The following CDK14 variants were observed in gnomAD, a reference collection of about 807,000 sequenced individuals.
CDK14 encodes cyclin-dependent kinase 14.
In CDK14, 34 loss-of-function variants were observed where a neutral mutation model predicts 60.7. The ratio of observed to expected loss-of-function variants is 0.56; its 90% CI spans 0.43 to 0.75. The LOEUF (loss-of-function observed/expected upper bound fraction) is 0.75. CDK14 is among the 30% of genes least tolerant of loss of function. The pLI is 0.00. For synonymous variants in CDK14, 197 were observed against 203.7 expected (o/e 0.97, Z 0.28); for missense variants, 482 against 564.1 (o/e 0.85, Z 1.47).
chr7:91,105,208 T>C (rs1799253356), intron 12 of CDK14, among the ~76,000 whole-genome samples: 1 of 152,222 alleles, frequency 6.6e-6, no homozygotes, highest in Non-Finnish European at 1.5e-5. Context: ...CCTGAAGTTG[T>C]TCTCTAAAAT....
chr7:91,105,974 GA>G (rs1799284931), intron 12 of CDK14, among the ~76,000 whole-genome samples: 1 of 152,118 alleles, frequency 6.6e-6, no homozygotes, highest in Admixed American at 6.6e-5. Flanking sequence ...TAATTGCCCA[GA>G]ATGGAAAACA....
intron 14 of CDK14, among the ~76,000 whole-genome samples, chr7:91,171,990 A>G (rs1193902553): frequency 2.0e-5 from 3 of 152,156 alleles, no homozygotes; most frequent in Non-Finnish European, 2.9e-5. Flanking sequence ...TCTACAGTTG[A>G]TTAGATTTTT....
chr7:91,201,852 C>G (rs1398347237), intron 14 of CDK14, among the ~76,000 whole-genome samples: 1 of 152,138 alleles, frequency 6.6e-6, no homozygotes, highest in African/African-American at 2.4e-5. Flanking sequence ...CTTGCTTATG[C>G]CTCAAATCAG....
intron 12 of CDK14, among the ~76,000 whole-genome samples, chr7:91,094,244 A>G (rs1158881235): frequency 6.6e-6 from 1 of 152,204 alleles, no homozygotes; most frequent in Non-Finnish European, 1.5e-5. Context: ...CATGATCTCA[A>G]TCCTCTTTAC....
At chr7:91,006,023 C>A (rs1457298344) in intron 10 of CDK14, among the ~76,000 whole-genome samples, 1 of 152,226 alleles carries the variant, frequency 6.6e-6, no homozygotes, top group Non-Finnish European at 1.5e-5. Context: ...TGGCTCCAGG[C>A]TCATCCAAAC....
At position 90,866,425 on chromosome 7, in the gene CDK14, A is replaced by C. The variant is rs945638917; in HGVS notation, c.639+3156A>C. On this transcript the variant is annotated intron_variant, in intron 6 of 14. Coordinates refer to ENST00000380050, the MANE Select transcript of CDK14 (RefSeq NM_001287135.2). ...TAGTTCTGTGTAATTAATTCATTGT[A>C]CCCTTTTTTGAGGGAGATACCATTG... is the stretch of plus-strand genomic sequence containing the variant. 1.6e-4 allele frequency among the ~76,000 whole-genome samples: 25 copies of C among 152,150 alleles called. 1 individual carries two copies. Among genetic ancestry groups the C allele is most frequent in the Admixed American group, 1.6e-3 (24 of 15,254 alleles).
At chr7:90,734,658 A>G (rs1803012678) in intron 3 of CDK14, among the ~76,000 whole-genome samples, 1 of 151,974 alleles carries the variant, frequency 6.6e-6, no homozygotes, top group Admixed American at 6.6e-5. Context: ...TGTCAGCTCC[A>G]TTAGTTCATT....
intron 2 of CDK14, among the ~76,000 whole-genome samples, chr7:90,692,982 G>C (rs1426572232): frequency 6.6e-6 from 1 of 151,806 alleles, no homozygotes; most frequent in Non-Finnish European, 1.5e-5. Context: ...TTGCCAGTAG[G>C]GTTCTGTAGC....
At chr7:90,859,986 A>C (rs1790951886) in intron 5 of CDK14, among the ~76,000 whole-genome samples, 1 of 152,206 alleles carries the variant, frequency 6.6e-6, no homozygotes, top group African/African-American at 2.4e-5. Context: ...AAAAACCAAA[A>C]TGAAGACATA....
At chr7:91,030,692 C>G (rs1436061076) in intron 10 of CDK14, among the ~76,000 whole-genome samples, 3 of 152,198 alleles carry the variant, frequency 2.0e-5, no homozygotes, top group African/African-American at 7.2e-5. Flanking sequence ...TGCTGTTGAT[C>G]CCCACTGACC....
intron 5 of CDK14, among the ~76,000 whole-genome samples, chr7:90,804,915 TA>T (rs1788764768): frequency 1.3e-5 from 2 of 152,130 alleles, no homozygotes; most frequent in Admixed American, 6.5e-5. Flanking sequence ...TTTCAGTTCC[TA>T]CTTTGCCAAT....
At chr7:90,700,604 T>A (rs922527728) in intron 2 of CDK14, among the ~76,000 whole-genome samples, 1 of 152,098 alleles carries the variant, frequency 6.6e-6, no homozygotes, top group Non-Finnish European at 1.5e-5. Flanking sequence ...TCAAATTACA[T>A]CCATATATAG....
chr7:90,764,736 A>G (rs1238725137), intron 4 of CDK14, among the ~76,000 whole-genome samples: 4 of 152,244 alleles, frequency 2.6e-5, no homozygotes, highest in Non-Finnish European at 5.9e-5. Flanking sequence ...GGAAACAGAC[A>G]TAACATTTGC....
At position 90,785,803 on chromosome 7, in the gene CDK14, A is replaced by G. The variant is rs1295418426; in HGVS notation, c.465-4770A>G. ...CTCCGTCTCAAAAAAAAAAAAAAAA[A>G]AAAGAGAAAACTTCTAGACCTTGCT... On this transcript the variant is annotated intron_variant, in intron 4 of 14. Transcript: ENST00000380050. Among the ~76,000 whole-genome samples the G allele has an allele frequency of 2.7e-5, 4 of 149,322 alleles. 1 individual carries two copies. Among genetic ancestry groups the G allele is most frequent in the African/African-American group, 7.4e-5 (3 of 40,688 alleles).
At chr7:90,960,626 T>C (rs769351387) in intron 9 of CDK14, among the ~76,000 whole-genome samples, 2 of 152,296 alleles carry the variant, frequency 1.3e-5, no homozygotes, top group Admixed American at 6.5e-5. Flanking sequence ...ATTGCCTGTT[T>C]ATTAAGTATT....
rs149801639 is a variant in CDK14 at position 90,758,062 on chromosome 7, G to A, written c.464+10287G>A. On this transcript the variant is annotated intron_variant, in intron 4 of 14. Transcript: ENST00000380050. ...AGAAGTTAACTGAGATTCCTATACA[G>A]GTAGTCTGCTTTGTAGTGAGCTTGG... Among the ~76,000 whole-genome samples the A allele has an allele frequency of 4.8e-3, 733 of 152,300 alleles. 3 individuals carry two copies. Among genetic ancestry groups the A allele is most frequent in the African/African-American group, 0.016 (661 of 41,554 alleles).
intron 8 of CDK14, among the ~76,000 whole-genome samples, chr7:90,933,010 C>T (rs1411959537): frequency 2.0e-5 from 3 of 152,098 alleles, no homozygotes; most frequent in Admixed American, 1.3e-4. Flanking sequence ...CCAATTATGT[C>T]GTGGTGATTA....
chr7:90,912,403 A>T (rs181148155), intron 7 of CDK14, among the ~76,000 whole-genome samples: 1 of 152,278 alleles, frequency 6.6e-6, no homozygotes, highest in East Asian at 1.9e-4. Flanking sequence ...GTGTATAACT[A>T]CTCATCCATG....
chr7:90,689,858 A>G (rs1157236323), intron 2 of CDK14, among the ~76,000 whole-genome samples: 1 of 152,206 alleles, frequency 6.6e-6, no homozygotes, highest in African/African-American at 2.4e-5. Flanking sequence ...TAGATGAGGA[A>G]TTTGAAAGTT....
Sources: gnomAD v4.1 joint callset for allele counts (sites outside exome capture counted in the v4.1 genomes callset) on GRCh38, gnomAD v4.1.1 for gene constraint, MANE v1.5 for transcripts, NCBI Gene and HGNC (gene_info 2026-07-23, HGNC 2026-07-21) for gene names.